The following MAP1A variants were observed in gnomAD, a reference collection of about 807,000 sequenced individuals.
MAP1A encodes microtubule associated protein 1A, also known as microtubule-associated protein 1A.
Under a neutral mutation model 185.9 loss-of-function variants are expected in MAP1A, and 42 were observed. That is an observed-to-expected ratio of 0.23 (90% confidence interval 0.18 to 0.29). The LOEUF (loss-of-function observed/expected upper bound fraction) is 0.29, where lower values mean the gene tolerates loss of function less well. Ranked by LOEUF, MAP1A falls within the 10% of genes least tolerant of loss-of-function variation. The pLI, the probability that MAP1A is intolerant of heterozygous loss-of-function variation, is 1.00. For synonymous variants in MAP1A, 1,229 were observed against 1,335.9 expected, an observed-to-expected ratio of 0.92 and a Z score of 1.74; for missense variants, 2,995 against 3,450.4, an observed-to-expected ratio of 0.87 and a Z score of 3.31.
rs1230807332 is a variant in MAP1A, at chr15:43,527,811, G to A, written c.6338G>A (p.Gly2113Glu). The A allele has an allele frequency of 6.2e-7, 1 of 1,613,772 alleles. No individual in the cohort carries two copies. The highest frequency in any genetic ancestry group is 2.2e-5 in the East Asian group (1 of 44,854). Residue 2113 changes from glycine to glutamate, a missense_variant, in exon 4 of 6, where the codon GGG becomes GAG. Around this residue, in one of 3 missense-constraint regions of MAP1A, gnomAD observed 2,728 missense variants for 2,986.0 expected, o/e 0.91. Transcript: ENST00000300231. ...ACTAGTGACTCAGAACTGGAGAAGGGGGCTCGGGAACAGCCAGAAAAAGAG... is the reference window on the plus strand; with the variant it reads ...ACTAGTGACTCAGAACTGGAGAAGGAGGCTCGGGAACAGCCAGAAAAAGAG... The part of the protein sequence containing the change: ...DSTSDSELEK[G>E]AREQPEKEAQ...
intron 1 of MAP1A, among the ~76,000 whole-genome samples, chr15:43,511,967 T>C (rs2079281388): frequency 6.6e-6 from 1 of 152,186 alleles, no homozygotes; most frequent in Admixed American, 6.5e-5. Context: ...CTAAACTCTG[T>C]CCTTCTCCCT....
At chr15:43,518,585 G>A (rs534970762) in intron 1 of MAP1A, among the ~76,000 whole-genome samples, 3 of 151,972 alleles carry the variant, frequency 2.0e-5, no homozygotes, top group Admixed American at 6.6e-5. Context: ...AGCTGGAGCC[G>A]GAGCTCAGCG....
At position 43,525,679 on chromosome 15, in the gene MAP1A, ACAG is replaced by A. The variant is rs1392005344; in HGVS notation, c.4210_4212del (p.Gln1404del). On this transcript the variant is annotated inframe_deletion, in exon 4 of 6. Transcript: ENST00000300231. ...TGCATGTAAAGAATGAGGCTGTGAA[ACAG>A]CAGGATAAGGCTTTAGAACAAAAGG... The A allele has an allele frequency of 1.2e-6, 2 of 1,614,078 alleles. No individual in the cohort carries two copies. Among genetic ancestry groups the A allele is most frequent in the African/African-American group, 1.3e-5 (1 of 75,004 alleles).
Position 43,529,599 on chromosome 15 carries a change from C to A in MAP1A, c.8036-51C>A. ...AGGAGTGGGACAGAGGGGAAGGTTG[C>A]CAAAAGGGTTCTACTTTTCCTCTAC... is the stretch of plus-strand genomic sequence containing the variant. On this transcript the variant is annotated intron_variant, in intron 4 of 5. Transcript: ENST00000300231. This position sits in a 1 kb window ranked among gnomAD's most constrained non-coding sequence, Gnocchi z 4.3. 1.9e-6 allele frequency: 3 copies of A among 1,607,444 alleles called. No individual in the cohort carries two copies. The highest frequency in any genetic ancestry group is 2.6e-6 in the Non-Finnish European group (3 of 1,174,338).
In MAP1A at chr15:43,521,733, TCACA is replaced by T; in HGVS notation, c.265_268del (p.His89LeufsTer20). ...TTGGACCGCATTGACTCGGTGCTAC[TCACA>T]CACATTGGGGCAGACAACCTGCCAG... On this transcript the variant is annotated frameshift_variant, in exon 4 of 6. Coordinates refer to ENST00000300231, the MANE Select transcript of MAP1A (RefSeq NM_002373.6). LOFTEE classifies it high-confidence loss of function. This position sits in a 1 kb window ranked among gnomAD's most constrained non-coding sequence, Gnocchi z 4.6. 1 of 1,614,220 alleles carries T rather than the reference TCACA, an allele frequency of 6.2e-7. No homozygotes were observed. The highest frequency in any genetic ancestry group is 8.5e-7 in the Non-Finnish European group (1 of 1,180,036).
chr15:43,511,218 T>C (rs77279204), exon 1 of MAP1A: 1 of 1,550,136 alleles, frequency 6.5e-7, no homozygotes, highest in Non-Finnish European at 8.7e-7. Flanking sequence ...CGGGCCCACC[T>C]TGAACAAGGT....
At chr15:43,512,550 C>T (rs758270480) in intron 2 of MAP1A, among the ~76,000 whole-genome samples, 1 of 152,180 alleles carries the variant, frequency 6.6e-6, no homozygotes, top group Non-Finnish European at 1.5e-5. Flanking sequence ...TTGACATGCA[C>T]TAAAGAAATG....
Position 43,521,382 on chromosome 15 carries a change from G to A in MAP1A, c.-92G>A. The A allele has an allele frequency of 6.2e-7, 1 of 1,613,784 alleles. No individual in the cohort carries two copies. The highest frequency in any genetic ancestry group is 8.5e-7 in the Non-Finnish European group (1 of 1,179,940). On this transcript the variant is annotated 5_prime_UTR_variant, in exon 4 of 6. Transcript: ENST00000300231. This position sits in a 1 kb window ranked among gnomAD's most constrained non-coding sequence, Gnocchi z 4.6. ...ATACAGGCCTTCCTTACCGTGTCCT[G>A]CTTAGGGGAAGGTGATTGGAGCCAC...
chr15:43,525,279 G>A lies in MAP1A; in HGVS notation c.3806G>A (p.Gly1269Glu), dbSNP rs1357900331. 3 of 1,614,112 alleles carry A rather than the reference G, an allele frequency of 1.9e-6. No homozygotes were observed. Among genetic ancestry groups the A allele is most frequent in the Middle Eastern group, 1.6e-4 (1 of 6,062 alleles). ...HAATASPPTDGTTRYSAQTDI... is the reference protein window; with the variant it reads ...HAATASPPTDETTRYSAQTDI... ...GCCACAGCGTCACCTCCCACAGATGGGACAACTCGATACTCTGCACAGACA... is the reference window on the plus strand; with the variant it reads ...GCCACAGCGTCACCTCCCACAGATGAGACAACTCGATACTCTGCACAGACA... Residue 1269 changes from glycine (G) to glutamate (E), a missense_variant, in exon 4 of 6, where the codon GGG (glycine) becomes GAG (glutamate). Around this residue, in one of 3 missense-constraint regions of MAP1A, gnomAD observed 2,728 missense variants for 2,986.0 expected, o/e 0.91. Coordinates refer to ENST00000300231, the MANE Select transcript of MAP1A (RefSeq NM_002373.6).
rs2079303068 is a variant in MAP1A at position 43,517,636 on chromosome 15, C to T, written c.-439C>T. ...CCCACCCTAAGTGCTGCAGACTCTTCCCTGAAGCTGCCGGCTGAGGCCGGA... is the reference window on the plus strand; with the variant it reads ...CCCACCCTAAGTGCTGCAGACTCTTTCCTGAAGCTGCCGGCTGAGGCCGGA... On this transcript the variant is annotated 5_prime_UTR_variant, in exon 1 of 6. Coordinates refer to ENST00000300231, the MANE Select transcript of MAP1A (RefSeq NM_002373.6). The T allele has an allele frequency of 1.1e-6, 1 of 931,224 alleles. No homozygotes were observed. Among genetic ancestry groups the T allele is most frequent in the South Asian group, 5.1e-5 (1 of 19,630 alleles). 57.7% of individuals were successfully genotyped at this position (931,224 alleles called of 1,614,324 possible).
rs753006350 is a variant in MAP1A, at chr15:43,521,091, C to A, written c.-172C>A. On this transcript the variant is annotated 5_prime_UTR_variant, in exon 3 of 6. Transcript: ENST00000300231. This position sits in a 1 kb window ranked among gnomAD's most constrained non-coding sequence, Gnocchi z 4.6. ...GCACCTACTCATATGAAAACTTTGC[C>A]CAGGTCCTTCACAACCCCGAGGTAA... 54 of 1,548,450 alleles carry A rather than the reference C, an allele frequency of 3.5e-5. No homozygotes were observed. In the South Asian group the frequency reaches 6.2e-4, roughly 18 times the overall value.
At position 43,524,466 on chromosome 15, in the gene MAP1A, C is replaced by T. The variant is rs1396873255; in HGVS notation, c.2993C>T (p.Pro998Leu). The T allele has an allele frequency of 1.2e-6, 2 of 1,614,164 alleles. No individual in the cohort carries two copies. The highest frequency in any genetic ancestry group is 1.7e-6 in the Non-Finnish European group (2 of 1,180,016). Reference sequence around the variant, plus strand: ...AGCACAGTGAAGATGGCTTCTCCTCCACCATCTGGCCCACCCAGTGCCACC... The same window carrying T: ...AGCACAGTGAAGATGGCTTCTCCTCTACCATCTGGCCCACCCAGTGCCACC... ...DDSTVKMASP[P>L]PSGPPSATHT... The change falls in exon 4 of 6, where the codon CCA (proline) becomes CTA (leucine). Residue 998 changes from proline (P) to leucine (L), a missense_variant. Physicochemically the swap from Pro to Leu is moderately conservative, Grantham distance 98. This residue lies in a region of MAP1A where 2,728 missense variants were observed against 2,986.0 expected (regional missense o/e 0.91). Transcript: ENST00000300231.
At position 43,528,617 on chromosome 15, in the gene MAP1A, G is replaced by A; in HGVS notation, c.7144G>A (p.Ala2382Thr). Residue 2382 changes from alanine to threonine, a missense_variant, in exon 4 of 6, where the codon GCT becomes ACT. Physicochemically the swap from Ala to Thr is moderately conservative, Grantham distance 58 (BLOSUM62 0). This residue lies in a region of MAP1A where 2,728 missense variants were observed against 2,986.0 expected (regional missense o/e 0.91). Coordinates refer to ENST00000300231, the MANE Select transcript of MAP1A (RefSeq NM_002373.6). ...PAPAKAENEE[A>T]AACPAWERGA... Reference sequence around the variant, plus strand: ...CCCAGCCAAGGCTGAAAATGAAGAGGCTGCGGCTTGCCCTGCCTGGGAACG... The same window carrying A: ...CCCAGCCAAGGCTGAAAATGAAGAGACTGCGGCTTGCCCTGCCTGGGAACG... 6.2e-7 allele frequency: 1 copy of A among 1,613,648 alleles called. No individual in the cohort carries two copies. Among genetic ancestry groups the A allele is most frequent in the Non-Finnish European group, 8.5e-7 (1 of 1,179,952 alleles).
chr15:43,521,561 G>T lies in MAP1A; in HGVS notation c.88G>T (p.Gly30Trp), dbSNP rs1566976966. Reference sequence around the variant, plus strand: ...TGACCTACTAGAGCCCCCCACCTCAGGGGGCTTCCTCAAGCTCTCCAAGCC... The same window carrying T: ...TGACCTACTAGAGCCCCCCACCTCATGGGGCTTCCTCAAGCTCTCCAAGCC... ...PFDLLEPPTSGGFLKLSKPCC... is the reference protein window; with the variant it reads ...PFDLLEPPTSWGFLKLSKPCC... The change falls in exon 4 of 6, where the codon GGG (glycine) becomes TGG (tryptophan). Residue 30 changes from glycine (G) to tryptophan (W), a missense_variant. By Grantham distance (184) the Gly-to-Trp change is radical. Coordinates refer to ENST00000300231, the MANE Select transcript of MAP1A (RefSeq NM_002373.6). This position sits in a 1 kb window ranked among gnomAD's most constrained non-coding sequence, Gnocchi z 4.6. 1.9e-6 allele frequency: 3 copies of T among 1,614,116 alleles called. No individual in the cohort carries two copies. The highest frequency in any genetic ancestry group is 8.5e-7 in the Non-Finnish European group (1 of 1,180,006).
upstream of MAP1A, among the ~76,000 whole-genome samples, chr15:43,515,557 G>A (rs1353478623): frequency 1.3e-5 from 2 of 152,152 alleles, no homozygotes; most frequent in African/African-American, 4.8e-5. Context: ...TTCCACAAAA[G>A]GGAGAAAGAC....
In MAP1A at chr15:43,529,523, A is replaced by C. The variant is rs2079362592; in HGVS notation, c.8035+15A>C. On this transcript the variant is annotated intron_variant, in intron 4 of 5. Transcript: ENST00000300231. This position sits in a 1 kb window ranked among gnomAD's most constrained non-coding sequence, Gnocchi z 4.3. ...GGCAGGACCAAGTAAGTATATCATG[A>C]AACTTGGCAGAGAGTGTGGGTTAGG... is the stretch of plus-strand genomic sequence containing the variant. The C allele has an allele frequency of 1.2e-6, 2 of 1,600,518 alleles. No homozygotes were observed. The highest frequency in any genetic ancestry group is 1.7e-6 in the Non-Finnish European group (2 of 1,171,364).
chr15:43,527,628 G>C lies in MAP1A; in HGVS notation c.6155G>C (p.Ser2052Thr), dbSNP rs2079351325. 1 of 1,613,832 alleles carries C rather than the reference G, an allele frequency of 6.2e-7. No homozygotes were observed. Among genetic ancestry groups the C allele is most frequent in the African/African-American group, 1.3e-5 (1 of 74,850 alleles). The change falls in exon 4 of 6, where the codon AGT becomes ACT. Residue 2052 changes from serine (S) to threonine (T), a missense_variant. Around this residue, in one of 3 missense-constraint regions of MAP1A, gnomAD observed 2,728 missense variants for 2,986.0 expected, o/e 0.91. Coordinates refer to ENST00000300231, the MANE Select transcript of MAP1A (RefSeq NM_002373.6). ...TVPPRPEPGP[S>T]MEPSLTPPAV... ...CCCCCAAGGCCAGAGCCAGGGCCAA[G>C]TATGGAGCCCAGCCTCACCCCACCT...
At chr15:43,516,300 C>T (rs1035667455), upstream of MAP1A, among the ~76,000 whole-genome samples, 1 of 152,190 alleles carries the variant, frequency 6.6e-6, no homozygotes, top group Non-Finnish European at 1.5e-5. Context: ...CCCTCAACCC[C>T]CAAGAGTACT....
Position 43,511,146 on chromosome 15 carries a change from A to C in MAP1A, c.158A>C (p.Gln53Pro), listed in dbSNP as rs1043066349. Reference sequence around the variant, plus strand: ...GTGGCGGCTGCACGCTGGGACCTGCAGAAGCACTCTTTGCTAATTGTGATC... The same window carrying C: ...GTGGCGGCTGCACGCTGGGACCTGCCGAAGCACTCTTTGCTAATTGTGATC... The change falls in exon 1 of 7, where the codon CAG (glutamine) becomes CCG (proline). Residue 53 changes from glutamine to proline, a missense_variant. Transcript: ENST00000382031. The C allele has an allele frequency of 2.6e-6, 4 of 1,550,418 alleles. No individual in the cohort carries two copies. In the South Asian group the frequency reaches 4.8e-5, roughly 18 times the overall value.
Sources: gnomAD v4.1 joint callset for allele counts (sites outside exome capture counted in the v4.1 genomes callset) on GRCh38, gnomAD v4.1.1 for gene constraint, gnomAD v4.1.1 regional missense constraint, Gnocchi (gnomAD v3.1) non-coding constraint, MANE v1.5 for transcripts, NCBI Gene and HGNC (gene_info 2026-07-23, HGNC 2026-07-21) for gene names.